JADE1: variants seen among roughly 807,000 people sequenced by gnomAD.
The protein encoded by JADE1 is jade family PHD finger 1, also known as protein Jade-1.
Under a neutral mutation model 81.8 loss-of-function variants are expected in JADE1, and 14 were observed. The ratio of observed to expected loss-of-function variants is 0.17; its 90% CI spans 0.11 to 0.27. The LOEUF (loss-of-function observed/expected upper bound fraction) is 0.27, where lower values mean the gene tolerates loss of function less well. Among genes scored for constraint, JADE1 ranks in the 10% least tolerant of loss-of-function variants. The pLI is 1.00. For synonymous variants in JADE1, 353 were observed against 391.9 expected, an observed-to-expected ratio of 0.90 and a Z score of 1.17; for missense variants, 690 against 1,047.9, an observed-to-expected ratio of 0.66 and a Z score of 4.71.
intron 10 of JADE1, among the ~76,000 whole-genome samples, chr4:128,868,935 G>A (rs1423753341): frequency 1.3e-5 from 2 of 152,138 alleles, no homozygotes; most frequent in Non-Finnish European, 2.9e-5. Flanking sequence ...TGCAATCATA[G>A]TTGATTCACT....
chr4:128,851,208 T>C (rs1467844260), intron 5 of JADE1, among the ~76,000 whole-genome samples: 1 of 152,206 alleles, frequency 6.6e-6, no homozygotes, highest in Middle Eastern at 3.2e-3. Context: ...GCATGAGCCA[T>C]CGCGCCTGGT....
intron 7 of JADE1, among the ~76,000 whole-genome samples, chr4:128,856,715 G>T (rs562460673): frequency 6.6e-6 from 1 of 152,204 alleles, no homozygotes; most frequent in South Asian, 2.1e-4. Flanking sequence ...TGTGATTTTG[G>T]TACATTTTCC....
At chr4:128,866,699 A>T (rs1731803985) in intron 9 of JADE1, among the ~76,000 whole-genome samples, 2 of 152,178 alleles carry the variant, frequency 1.3e-5, no homozygotes, top group African/African-American at 4.8e-5. Flanking sequence ...TCAGGGGAAG[A>T]GTTTGCTCAT....
At chr4:128,817,076 C>A (rs1727106037) in intron 1 of JADE1, among the ~76,000 whole-genome samples, 1 of 152,018 alleles carries the variant, frequency 6.6e-6, no homozygotes, top group African/African-American at 2.4e-5. Flanking sequence ...CCAGGCTGGT[C>A]TCAAACTCCT....
At chr4:128,855,839 G>C (rs1192223211) in intron 7 of JADE1, 42 bp downstream of exon 7, 1 of 1,428,742 alleles carries the variant, frequency 7.0e-7, no homozygotes, top group Non-Finnish European at 9.6e-7. Context: ...TTTTTTTTAA[G>C]ACAGAGTTTA....
chr4:128,858,430 TG>T (rs1254081736), intron 8 of JADE1, among the ~76,000 whole-genome samples: 1 of 152,086 alleles, frequency 6.6e-6, no homozygotes, highest in African/African-American at 2.4e-5. Context: ...CATTGAATTC[TG>T]GGAGCAGAGG....
intron 1 of JADE1, among the ~76,000 whole-genome samples, chr4:128,818,453 C>G (rs1031145800): frequency 3.3e-5 from 5 of 152,148 alleles, no homozygotes; most frequent in African/African-American, 1.2e-4. Flanking sequence ...GTGATTGTGT[C>G]TGATCCTTAA....
intron 4 of JADE1, among the ~76,000 whole-genome samples, chr4:128,848,541 G>C (rs970835350): frequency 1.3e-5 from 2 of 152,152 alleles, no homozygotes; most frequent in African/African-American, 4.8e-5. Context: ...AGGGTTGGCG[G>C]GTTTCTCCCT....
intron 2 of JADE1, among the ~76,000 whole-genome samples, chr4:128,840,472 C>T (rs1488760795): frequency 6.6e-6 from 1 of 152,156 alleles, no homozygotes; most frequent in African/African-American, 2.4e-5. Flanking sequence ...AGGACCATCC[C>T]TTTTTGTTCT....
At chr4:128,834,923 A>C (rs1373170503) in intron 2 of JADE1, among the ~76,000 whole-genome samples, 1 of 151,752 alleles carries the variant, frequency 6.6e-6, no homozygotes, top group Non-Finnish European at 1.5e-5. Context: ...AGCTGGGAGG[A>C]TTGCTTGAGC....
At chr4:128,845,895 G>C (rs1435149183) in intron 3 of JADE1, among the ~76,000 whole-genome samples, 1 of 151,712 alleles carries the variant, frequency 6.6e-6, no homozygotes, top group Non-Finnish European at 1.5e-5. Flanking sequence ...CCGCACTCCA[G>C]CCTGGGTGAC....
At chr4:128,833,328 C>T (rs1439237014) in intron 2 of JADE1, among the ~76,000 whole-genome samples, 4 of 152,126 alleles carry the variant, frequency 2.6e-5, no homozygotes, top group Non-Finnish European at 5.9e-5. Context: ...CTGTGTGGCG[C>T]CTATCAAAGT....
chr4:128,850,813 G>T (rs1295681947), intron 5 of JADE1, among the ~76,000 whole-genome samples: 1 of 152,342 alleles, frequency 6.6e-6, no homozygotes, highest in Non-Finnish European at 1.5e-5. Context: ...TAAATAATAA[G>T]AACTGGGCTA....
chr4:128,871,677 A>C lies in JADE1; in HGVS notation c.1944A>C (p.Lys648Asn). The change falls in exon 11 of 11, where the codon AAA (lysine) becomes AAC (asparagine). Residue 648 changes from lysine (K) to asparagine (N), a missense_variant. This residue lies in a region of JADE1 where 218 missense variants were observed against 274.3 expected (regional missense o/e 0.79). Transcript: ENST00000226319. The surrounding 1 kb of genome is among the most constrained non-coding windows in gnomAD (Gnocchi z 4.1). ...CACGTCTCATATCAGCACAACAGAA[A>C]AATGGTGTGGTGATGCCAGACCATG... The part of the protein sequence containing the change: ...AEARLISAQQ[K>N]NGVVMPDHGK... 1 of 1,614,178 alleles carries C rather than the reference A, an allele frequency of 6.2e-7. No homozygotes were observed. The highest frequency in any genetic ancestry group is 8.5e-7 in the Non-Finnish European group (1 of 1,179,998).
At chr4:128,822,622 A>C (rs113270727) in intron 1 of JADE1, among the ~76,000 whole-genome samples, 1 of 151,604 alleles carries the variant, frequency 6.6e-6, no homozygotes, top group Non-Finnish European at 1.5e-5. Context: ...GGGAGGCTGA[A>C]GCAGGAGAAT....
chr4:128,849,696 T>C (rs1239451994), intron 5 of JADE1, among the ~76,000 whole-genome samples: 2 of 152,206 alleles, frequency 1.3e-5, no homozygotes, highest in Non-Finnish European at 2.9e-5. Flanking sequence ...CTGGCTTTCC[T>C]TCAGTGAAGC....
At chr4:128,842,150 ACTATGCTAG>A (rs1317959652) in intron 2 of JADE1, among the ~76,000 whole-genome samples, 2 of 152,144 alleles carry the variant, frequency 1.3e-5, no homozygotes, top group Non-Finnish European at 2.9e-5. Flanking sequence ...TTCTTATGGC[ACTATGCTAG>A]CTATTTACTA....
At chr4:128,861,222 T>C (rs994729783) in intron 8 of JADE1, among the ~76,000 whole-genome samples, 15 of 152,358 alleles carry the variant, frequency 9.8e-5, no homozygotes, top group Non-Finnish European at 1.8e-4. Flanking sequence ...ACAGATTCTT[T>C]TGAATATGAT....
At chr4:128,848,880 CT>C (rs1168164237) in intron 4 of JADE1, 99 bp from the exon 5 acceptor site, 1 of 1,118,378 alleles carries the variant, frequency 8.9e-7, no homozygotes, top group Non-Finnish European at 1.3e-6. Flanking sequence ...TGACCTGGGG[CT>C]CTAAGGGTTG....
Sources: gnomAD v4.1 joint callset for allele counts (sites outside exome capture counted in the v4.1 genomes callset) on GRCh38, gnomAD v4.1.1 for gene constraint, gnomAD v4.1.1 regional missense constraint, Gnocchi (gnomAD v3.1) non-coding constraint, MANE v1.5 for transcripts, NCBI Gene and HGNC (gene_info 2026-07-23, HGNC 2026-07-21) for gene names.